The following DGCR2 variants were observed in gnomAD, a reference collection of about 807,000 sequenced individuals.
DGCR2 encodes the protein DiGeorge syndrome critical region gene 2.
DGCR2 carries 24 observed loss-of-function variants against 51.6 expected under a neutral mutation model. The observed-to-expected ratio is 0.47, with a 90% confidence interval of 0.34 to 0.65. The LOEUF (loss-of-function observed/expected upper bound fraction) is 0.65. Among genes scored for constraint, DGCR2 ranks in the 30% least tolerant of loss-of-function variants. The probability of loss-of-function intolerance (pLI) is 0.01; values close to 1 mark genes in which losing one functional copy is unlikely to be tolerated. For missense variants in DGCR2, 765 were observed against 772.1 expected (o/e 0.99, Z 0.11); for synonymous variants, 340 against 315.4 (o/e 1.08, Z -0.82).
intron 2 of DGCR2, among the ~76,000 whole-genome samples, chr22:19,075,542 T>C (rs1569064175): frequency 6.6e-6 from 1 of 152,194 alleles, no homozygotes; most frequent in Admixed American, 6.5e-5. Flanking sequence ...CCAGAACTTT[T>C]CATCTTACCA....
Position 19,041,061 on chromosome 22 carries a change from C to CA in DGCR2, c.1392dup (p.Ala465CysfsTer4), listed in dbSNP as rs1444377167. On this transcript the variant is annotated frameshift_variant, in exon 9 of 10. Coordinates refer to ENST00000263196, the MANE Select transcript of DGCR2 (RefSeq NM_005137.3). LOFTEE classifies it low-confidence loss of function (END_TRUNC). The stretch of plus-strand genomic sequence containing the variant: ...CTCTCCCTGGGGAGTCAGGCACCTG[C>CA]AGGGTCATAGAACACACTGTCCGGG... The CA allele has an allele frequency of 1.3e-6, 2 of 1,587,538 alleles. No homozygotes were observed. The highest frequency in any genetic ancestry group is 2.7e-5 in the African/African-American group (2 of 74,642).
intron 4 of DGCR2, 73 bp downstream of exon 4, chr22:19,064,775 T>G (rs2082728609): frequency 1.4e-6 from 2 of 1,407,766 alleles, no homozygotes; most frequent in Admixed American, 3.5e-5. Context: ...GTTTACTGAG[T>G]GGTCAGAGGC....
chr22:19,060,449 C>T lies in DGCR2; in HGVS notation c.625+2753G>A, dbSNP rs1476360816. The stretch of plus-strand genomic sequence containing the variant: ...GTGCGTGCTGAGACACCACGGGGGA[C>T]AAATGAGGGCCAGGCACTGAGTAAT... On this transcript the variant is annotated intron_variant, in intron 5 of 9. Coordinates refer to ENST00000263196, the MANE Select transcript of DGCR2 (RefSeq NM_005137.3). The T allele has an allele frequency of 2.6e-5, 4 of 154,298 alleles. No homozygotes were observed. The Admixed American group carries it at 2.6e-4, about 10-fold the overall frequency. 9.6% of individuals were successfully genotyped at this position (154,298 alleles called of 1,614,324 possible).
chr22:19,063,960 G>T (rs2082718422), intron 4 of DGCR2, among the ~76,000 whole-genome samples: 1 of 152,214 alleles, frequency 6.6e-6, no homozygotes. Flanking sequence ...CTACCATGGG[G>T]GCTGAAAACA....
chr22:19,114,865 C>T (rs141813876), intron 1 of DGCR2, among the ~76,000 whole-genome samples: 122 of 152,316 alleles, frequency 8.0e-4, no homozygotes, highest in Middle Eastern at 3.4e-3. Flanking sequence ...CACCAGAATA[C>T]TGTCCTCAGT....
intron 2 of DGCR2, 66 bp downstream of exon 2, chr22:19,089,302 G>GGC: frequency 6.7e-7 from 1 of 1,489,146 alleles, no homozygotes. Flanking sequence ...CCTCACAAGA[G>GGC]GCACAGTCAC....
intron 5 of DGCR2, among the ~76,000 whole-genome samples, chr22:19,062,589 G>A (rs1278310692): frequency 6.6e-6 from 1 of 152,150 alleles, no homozygotes; most frequent in Non-Finnish European, 1.5e-5. Context: ...CCTGGCGGCA[G>A]CTGGAGAAGG....
chr22:19,041,273 C>A lies in DGCR2; in HGVS notation c.1181G>T (p.Arg394Leu). The change falls in exon 9 of 10, where the codon CGC becomes CTC. Residue 394 changes from arginine (R) to leucine (L), a missense_variant. Physicochemically the swap from Arg to Leu is moderately radical, Grantham distance 102. Around this residue, in one of 3 missense-constraint regions of DGCR2, gnomAD observed 190 missense variants for 265.2 expected, o/e 0.72. Transcript: ENST00000263196. ...GANLHHFNLG[R>L]RIPGFDYGPD... ...GCCGTAATCAAAGCCAGGGATCCTG[C>A]GGCCGAGGTTGAAGTGGTGCACTGG... The A allele has an allele frequency of 1.2e-6, 2 of 1,614,032 alleles. No individual in the cohort carries two copies. Among genetic ancestry groups the A allele is most frequent in the African/African-American group, 1.3e-5 (1 of 75,060 alleles).
At chr22:19,042,076 C>T (rs924564200) in intron 7 of DGCR2, 117 bp from the exon 8 acceptor site, 2 of 1,207,660 alleles carry the variant, frequency 1.7e-6, no homozygotes, top group African/African-American at 3.1e-5. Flanking sequence ...ACAGTGTCTC[C>T]CTGCACCCAA....
chr22:19,101,616 C>T (rs946549023), intron 1 of DGCR2, among the ~76,000 whole-genome samples: 3 of 152,020 alleles, frequency 2.0e-5, no homozygotes, highest in African/African-American at 7.3e-5. Flanking sequence ...TGGCGCACAC[C>T]TGTAGTTCCA....
intron 3 of DGCR2, among the ~76,000 whole-genome samples, chr22:19,067,535 A>C (rs2082763146): frequency 6.6e-6 from 1 of 152,012 alleles, no homozygotes; most frequent in Non-Finnish European, 1.5e-5. Flanking sequence ...TCTACTAAAA[A>C]TACAAAAATT....
chr22:19,067,956 T>C (rs2082768230), intron 3 of DGCR2, 144 bp downstream of exon 3: 2 of 1,184,854 alleles, frequency 1.7e-6, no homozygotes, highest in Non-Finnish European at 1.1e-6. Flanking sequence ...GGGTGGGTCA[T>C]CATGCAGCCT....
At position 19,057,052 on chromosome 22, in the gene DGCR2, G is replaced by A. The variant is rs148942739; in HGVS notation, c.736C>T (p.His246Tyr). 1.0e-4 allele frequency: 160 copies of A among 1,598,782 alleles called. No homozygotes were observed. Among genetic ancestry groups the A allele is most frequent in the Non-Finnish European group, 1.1e-4 (128 of 1,172,846 alleles). Residue 246 changes from histidine to tyrosine, a missense_variant, in exon 6 of 10, where the codon CAC becomes TAC. By Grantham distance (83) the His-to-Tyr change is moderately conservative. This residue lies in a region of DGCR2 where 190 missense variants were observed against 265.2 expected (regional missense o/e 0.72). Transcript: ENST00000263196. This position sits in a 1 kb window ranked among gnomAD's most constrained non-coding sequence, Gnocchi z 5.1. Reference protein sequence around the residue: ...LQCFHFPTLRHHDLHSWHAES... With the variant: ...LQCFHFPTLRYHDLHSWHAES... ...GCGTGCCAGCTGTGGAGGTCGTGGT[G>A]CCGCAGGGTGGGGAAATGGAAGCAC...
chr22:19,039,915 C>A (rs2082412756), intron 9 of DGCR2, among the ~76,000 whole-genome samples: 1 of 152,114 alleles, frequency 6.6e-6, no homozygotes, highest in East Asian at 1.9e-4. Context: ...GTCTCACAGG[C>A]TGGTCTCGAA....
Position 19,057,014 on chromosome 22 carries a change from G to T in DGCR2, c.774C>A (p.Tyr258Ter), listed in dbSNP as rs146689556. 4 of 1,592,346 alleles carry T rather than the reference G, an allele frequency of 2.5e-6. No homozygotes were observed. The highest frequency in any genetic ancestry group is 3.4e-6 in the Non-Finnish European group (4 of 1,169,210). Residue 258 changes from tyrosine to a stop codon, truncating the protein, a stop_gained, in exon 6 of 10, where the codon TAC (tyrosine) becomes TAA (stop). Coordinates refer to ENST00000263196, the MANE Select transcript of DGCR2 (RefSeq NM_005137.3). LOFTEE classifies it high-confidence loss of function. This position sits in a 1 kb window ranked among gnomAD's most constrained non-coding sequence, Gnocchi z 5.1. ...TTTTACACAGAAATGAAGACTTCTC[G>T]TAGCAGCTCTCGGCGTGCCAGCTGT... ...DLHSWHAESC[Y>*]EKSSFLCKRS...
At chr22:19,109,141 A>G (rs1277121306) in intron 1 of DGCR2, among the ~76,000 whole-genome samples, 2 of 152,192 alleles carry the variant, frequency 1.3e-5, no homozygotes, top group Non-Finnish European at 2.9e-5. Context: ...AAACAAACAA[A>G]CAAGTGTTGG....
intron 1 of DGCR2, among the ~76,000 whole-genome samples, chr22:19,099,945 G>A (rs950546421): frequency 2.0e-5 from 3 of 148,850 alleles, no homozygotes; most frequent in Admixed American, 1.4e-4. Context: ...ACTCCAGCCT[G>A]GACGACAGAG....
At chr22:19,080,770 AG>A (rs1403391972) in intron 2 of DGCR2, among the ~76,000 whole-genome samples, 1 of 152,164 alleles carries the variant, frequency 6.6e-6, no homozygotes, top group Non-Finnish European at 1.5e-5. Context: ...CAGGGGTTTG[AG>A]GTTGCATTCA....
At chr22:19,095,469 G>C (rs2083128454) in intron 1 of DGCR2, among the ~76,000 whole-genome samples, 1 of 151,952 alleles carries the variant, frequency 6.6e-6, no homozygotes, top group South Asian at 2.1e-4. Flanking sequence ...AGACCATCCT[G>C]GCTAACACGG....
Sources: gnomAD v4.1 joint callset for allele counts (sites outside exome capture counted in the v4.1 genomes callset) on GRCh38, gnomAD v4.1.1 for gene constraint, gnomAD v4.1.1 regional missense constraint, Gnocchi (gnomAD v3.1) non-coding constraint, MANE v1.5 for transcripts, NCBI Gene and HGNC (gene_info 2026-07-23, HGNC 2026-07-21) for gene names.